CEP95: variants seen among roughly 807,000 people sequenced by gnomAD.
CEP95 encodes the protein centrosomal protein 95.
CEP95 carries 98 observed loss-of-function variants against 111.2 expected under a neutral mutation model. The observed-to-expected ratio is 0.88, with a 90% CI of 0.75 to 1.04. The LOEUF is 1.04. CEP95 is among the 50% of genes least tolerant of loss of function. The pLI is 0.00. For missense variants in CEP95, 1,027 were observed against 977.2 expected (o/e 1.05, Z -0.68); for synonymous variants, 323 against 327.1 (o/e 0.99, Z 0.14).
At chr17:64,516,182 A>C (rs2039133901) in intron 4 of CEP95, 1 of 152,238 alleles carries the variant, frequency 6.6e-6, no homozygotes, top group Admixed American at 6.5e-5. Context: ...CCAAAGGGGT[A>C]AATCTGAATC....
At chr17:64,520,477 T>C (rs1967232057) in intron 6 of CEP95, 2 of 100,940 alleles carry the variant, frequency 2.0e-5, no homozygotes, top group Admixed American at 2.0e-4. Flanking sequence ...TTTTTTTTTT[T>C]GACACTAGGT....
At chr17:64,507,261 A>AG (rs1198916739) in intron 1 of CEP95, 145 bp downstream of exon 1, 14 of 1,498,020 alleles carry the variant, frequency 9.3e-6, no homozygotes, top group Middle Eastern at 2.3e-4. Flanking sequence ...TTCCCTGGAT[A>AG]GGGTCTCTCA....
At chr17:64,514,549 C>T (rs552051317) in intron 4 of CEP95, 191 bp downstream of exon 4, 28 of 432,284 alleles carry the variant, frequency 6.5e-5, no homozygotes, top group African/African-American at 5.4e-4. Flanking sequence ...TCATCATGTT[C>T]TTTATCAACT....
intron 17 of CEP95, 88 bp from the exon 18 acceptor site, chr17:64,536,514 A>C: frequency 4.2e-6 from 4 of 954,966 alleles, no homozygotes; most frequent in East Asian, 2.6e-5. Flanking sequence ...TAAAAAAAAA[A>C]AACCTTGGGA....
intron 3 of CEP95, among the ~76,000 whole-genome samples, chr17:64,513,239 T>TA (rs2144360709): frequency 6.6e-6 from 1 of 152,324 alleles, no homozygotes; most frequent in South Asian, 2.1e-4. Context: ...TGGCTGAGGT[T>TA]ACGAATGGCT....
intron 6 of CEP95, 73 bp from the exon 7 acceptor site, chr17:64,521,329 T>C: frequency 6.3e-6 from 7 of 1,110,356 alleles, no homozygotes; most frequent in Admixed American, 4.9e-5. Context: ...TACAAAACTC[T>C]TGGCTTTTAG....
At position 64,507,391 on chromosome 17, in the gene CEP95, G is replaced by T. The variant is rs1237770694; in HGVS notation, c.19+275G>T. On this transcript the variant is annotated intron_variant, in intron 1 of 19. Coordinates refer to ENST00000556440, the MANE Select transcript of CEP95 (RefSeq NM_138363.3). Reference sequence around the variant, plus strand: ...TGGCTGTAAAAAGAGCGGTCAGAAGGGTCGTCCCCGGACTTGTCTTTCTGT... The same window carrying T: ...TGGCTGTAAAAAGAGCGGTCAGAAGTGTCGTCCCCGGACTTGTCTTTCTGT... 2.2e-5 allele frequency: 30 copies of T among 1,388,390 alleles called. No homozygotes were observed. In the African/African-American group the frequency reaches 4.0e-4, roughly 18 times the overall value. 86.0% of individuals were successfully genotyped at this position (1,388,390 alleles called of 1,614,324 possible).
At chr17:64,515,988 A>G (rs142027129) in intron 4 of CEP95, 1 of 152,310 alleles carries the variant, frequency 6.6e-6, no homozygotes, top group African/African-American at 2.4e-5. Context: ...AAATTCTTTC[A>G]TGGTTGTTGT....
chr17:64,510,118 G>T, intron 2 of CEP95, 55 bp from the exon 3 acceptor site: 1 of 922,824 alleles, frequency 1.1e-6, no homozygotes, highest in Non-Finnish European at 1.7e-6. Flanking sequence ...GAGACAATGA[G>T]ATGAAAACTT....
chr17:64,515,649 T>G (rs1171965423), intron 4 of CEP95: 1 of 152,190 alleles, frequency 6.6e-6, no homozygotes, highest in African/African-American at 2.4e-5. Context: ...GGGAAGTTGC[T>G]CAGATAGGCT....
rs1968759420 is a variant in CEP95, at chr17:64,537,780, G to A, written c.*1G>A. On this transcript the variant is annotated 3_prime_UTR_variant, in exon 20 of 20. Coordinates refer to ENST00000556440, the MANE Select transcript of CEP95 (RefSeq NM_138363.3). ...GTACAGTAAAAGTCCCTCCCTATGAGGCCAGACTTGATAATAGTAGGTGAA... is the reference window on the plus strand; with the variant it reads ...GTACAGTAAAAGTCCCTCCCTATGAAGCCAGACTTGATAATAGTAGGTGAA... The A allele has an allele frequency of 4.5e-6, 7 of 1,567,870 alleles. No individual in the cohort carries two copies. The highest frequency in any genetic ancestry group is 1.4e-5 in the African/African-American group (1 of 73,852).
chr17:64,535,425 C>T (rs1968584001), intron 17 of CEP95: 1 of 153,972 alleles, frequency 6.5e-6, no homozygotes, highest in African/African-American at 2.4e-5. Flanking sequence ...GATCACTCCC[C>T]CTCCTCAGTG....
At chr17:64,525,323 CA>C (rs539696041) in intron 8 of CEP95, among the ~76,000 whole-genome samples, 7 of 143,536 alleles carry the variant, frequency 4.9e-5, no homozygotes, top group Non-Finnish European at 6.1e-5. Context: ...AAAACTGTCT[CA>C]AAAAAAAAAG....
chr17:64,507,568 T>G, intron 1 of CEP95: 1 of 1,031,180 alleles, frequency 9.7e-7, no homozygotes, highest in Non-Finnish European at 1.2e-6. Context: ...AGAATAGTTG[T>G]GCTTTTTTCT....
In CEP95 at chr17:64,525,880, A is replaced by C. The variant is rs782120549; in HGVS notation, c.1020A>C (p.Lys340Asn). 3 of 1,564,828 alleles carry C rather than the reference A, an allele frequency of 1.9e-6. No homozygotes were observed. Among genetic ancestry groups the C allele is most frequent in the Non-Finnish European group, 1.7e-6 (2 of 1,162,714 alleles). ...GGACAAGGAAGCCTCCCAAAGGAAAAAGGTAACATTACTGCAGACTTCAGT... is the reference window on the plus strand; with the variant it reads ...GGACAAGGAAGCCTCCCAAAGGAAACAGGTAACATTACTGCAGACTTCAGT... ...GPRTRKPPKGKRNENRATASS... is the reference protein window; with the variant it reads ...GPRTRKPPKGNRNENRATASS... The change falls in exon 9 of 20, where the codon AAA becomes AAC. Residue 340 changes from lysine (K) to asparagine (N), a missense_variant and splice_region_variant. Physicochemically the swap from Lys to Asn is moderately conservative, Grantham distance 94. Coordinates refer to ENST00000556440, the MANE Select transcript of CEP95 (RefSeq NM_138363.3).
intron 3 of CEP95, among the ~76,000 whole-genome samples, chr17:64,513,758 G>GT (rs1446880834): frequency 6.6e-6 from 1 of 152,028 alleles, no homozygotes; most frequent in East Asian, 1.9e-4. Flanking sequence ...ATCCCAACAA[G>GT]TTTATTGTTT....
chr17:64,521,076 C>A (rs1221478901), intron 6 of CEP95, among the ~76,000 whole-genome samples: 4 of 151,924 alleles, frequency 2.6e-5, no homozygotes, highest in Non-Finnish European at 5.9e-5. Context: ...AACCCTGTCA[C>A]AATACAAAAA....
In CEP95 at chr17:64,531,056, TC is replaced by T. The variant is rs1402717677; in HGVS notation, c.1539+39del. 6 of 1,196,446 alleles carry T rather than the reference TC, an allele frequency of 5.0e-6. No homozygotes were observed. The African/African-American group carries it at 9.2e-5, about 18-fold the overall frequency. 74.1% of individuals were successfully genotyped at this position (1,196,446 alleles called of 1,614,324 possible). On this transcript the variant is annotated intron_variant, in intron 13 of 19. Coordinates refer to ENST00000556440, the MANE Select transcript of CEP95 (RefSeq NM_138363.3). ...CTCCACTGTAATAAATGCCATTTGA[TC>T]AGATGAGTGGGAAGTACAAAGATGA... is the stretch of plus-strand genomic sequence containing the variant.
intron 19 of CEP95, 160 bp from the exon 20 acceptor site, chr17:64,537,443 C>T (rs1435205710): frequency 2.2e-6 from 3 of 1,378,308 alleles, no homozygotes; most frequent in Non-Finnish European, 2.8e-6. Context: ...ACATTTTTAT[C>T]CTATGATTTT....
Sources: allele counts gnomAD v4.1 joint callset (sites outside exome capture counted in the v4.1 genomes callset), GRCh38; gene constraint gnomAD v4.1.1; transcripts MANE v1.5; gene names NCBI Gene and HGNC (gene_info 2026-07-23, HGNC 2026-07-21).